Variants in DIAPH2 observed in about 807,000 individuals in gnomAD.
The protein encoded by DIAPH2 is diaphanous related formin 2.
DIAPH2 carries 35 observed loss-of-function variants against 92.7 expected under a neutral mutation model. The observed-to-expected ratio is 0.38, with a 90% CI of 0.29 to 0.50. The LOEUF is 0.50. Among genes scored for constraint, DIAPH2 ranks in the 20% least tolerant of loss-of-function variants. The pLI, the probability that DIAPH2 is intolerant of heterozygous loss-of-function variation, is 0.94. For synonymous variants in DIAPH2, 301 were observed against 280.4 expected (o/e 1.07, Z -0.73); for missense variants, 701 against 819.5 (o/e 0.86, Z 1.77).
intron 21 of DIAPH2, among the ~76,000 whole-genome samples, chrX:97,123,199 G>A (rs1024727998): frequency 1.8e-5 from 2 of 111,804 alleles, no homozygotes; most frequent in African/African-American, 6.5e-5. Context: ...AGTCCATTGT[G>A]TTTCATTGTA....
At chrX:97,330,684 C>T (rs1210554966) in intron 23 of DIAPH2, among the ~76,000 whole-genome samples, 1 of 109,315 alleles carries the variant, frequency 9.1e-6, no homozygotes, top group Non-Finnish European at 1.9e-5. Context: ...AGCTAACTTT[C>T]GTATTTTTAG....
intron 4 of DIAPH2, among the ~76,000 whole-genome samples, chrX:96,862,139 T>C (rs1009059374): frequency 6.3e-5 from 7 of 111,919 alleles, no homozygotes; most frequent in African/African-American, 2.3e-4. Flanking sequence ...CTGAGTAGCA[T>C]TGTACCTTTG....
chrX:97,104,070 T>A (rs552423862), intron 20 of DIAPH2, among the ~76,000 whole-genome samples: 65 of 111,862 alleles, frequency 5.8e-4, no homozygotes, highest in African/African-American at 1.9e-3. Flanking sequence ...CAGATTACCT[T>A]TTTTCTTTTC....
chrX:96,915,531 A>G (rs1194463933), intron 7 of DIAPH2, among the ~76,000 whole-genome samples: 2 of 110,531 alleles, frequency 1.8e-5, no homozygotes, highest in African/African-American at 6.6e-5. Flanking sequence ...TAGAAATTAA[A>G]TTAGGGCTGA....
chrX:97,575,147 A>C (rs1016754338), intron 26 of DIAPH2, among the ~76,000 whole-genome samples: 6 of 113,030 alleles, frequency 5.3e-5, no homozygotes, highest in Non-Finnish European at 9.4e-5. Context: ...AAAGCACCAC[A>C]AACTGAGTGG....
intron 5 of DIAPH2, among the ~76,000 whole-genome samples, chrX:96,888,592 CAGA>C (rs1569421246): frequency 3.3e-4 from 14 of 42,595 alleles, no homozygotes; most frequent in Admixed American, 9.7e-4. Flanking sequence ...TATATATATA[CAGA>C]TATATATATC....
intron 4 of DIAPH2, among the ~76,000 whole-genome samples, chrX:96,796,991 A>C (rs2064544842): frequency 8.9e-6 from 1 of 111,828 alleles, no homozygotes; most frequent in Admixed American, 9.5e-5. Flanking sequence ...GTTTTCTTGC[A>C]TTGGATTTTG....
At chrX:96,990,948 A>T (rs1015520961) in intron 17 of DIAPH2, among the ~76,000 whole-genome samples, 11 of 110,167 alleles carry the variant, frequency 1.0e-4, no homozygotes, top group Non-Finnish European at 2.1e-4. Context: ...TTTGTTCATT[A>T]AAAAAAAATT....
intron 17 of DIAPH2, among the ~76,000 whole-genome samples, chrX:97,072,165 T>A (rs1569294388): frequency 9.0e-6 from 1 of 111,649 alleles, no homozygotes; most frequent in African/African-American, 3.3e-5. Flanking sequence ...AGCCACATTG[T>A]TTTTTGGGCC....
chrX:97,329,925 CACACACACACA>C (rs1569364086), intron 23 of DIAPH2, among the ~76,000 whole-genome samples: 2 of 106,046 alleles, frequency 1.9e-5, no homozygotes, highest in African/African-American at 3.4e-5. Flanking sequence ...CACACACACA[CACACACACACA>C]CCCCACATGC....
intron 4 of DIAPH2, among the ~76,000 whole-genome samples, chrX:96,855,399 C>T (rs1012149693): frequency 1.8e-5 from 2 of 110,638 alleles, no homozygotes; most frequent in Non-Finnish European, 3.8e-5. Flanking sequence ...CTATGCAGTA[C>T]GTAAATACAA....
chrX:97,038,314 G>A (rs1002405008), intron 17 of DIAPH2, among the ~76,000 whole-genome samples: 1 of 111,521 alleles, frequency 9.0e-6, no homozygotes, highest in Non-Finnish European at 1.9e-5. Context: ...GAATTGTGCT[G>A]TGATAATCAT....
chrX:97,238,377 G>A (rs1302272018), intron 22 of DIAPH2, among the ~76,000 whole-genome samples: 2 of 111,710 alleles, frequency 1.8e-5, no homozygotes, highest in East Asian at 5.6e-4. Context: ...TTTCTTACTG[G>A]ATTTCCTCTG....
intron 22 of DIAPH2, among the ~76,000 whole-genome samples, chrX:97,168,870 A>G (rs1404468150): frequency 8.9e-6 from 1 of 112,162 alleles, no homozygotes; most frequent in Non-Finnish European, 1.9e-5. Context: ...AAGTGCTTTC[A>G]TGTCTTTTTA....
rs147698675 is a variant in DIAPH2, at chrX:96,761,344, GT to G, written c.447+3099del. 1.7e-3 allele frequency among the ~76,000 whole-genome samples: 171 copies of G among 100,796 alleles called. 1 individual carries two copies. The highest frequency in any genetic ancestry group is 5.2e-3 in the Middle Eastern group (1 of 194). The allele number at this position is 100,796 out of a possible 115,157, so 87.5% of individuals were successfully genotyped here. On this transcript the variant is annotated intron_variant, in intron 4 of 26. Transcript: ENST00000324765. ...TGTGAACCATTGAGAGGCAGCATTG[GT>G]TTTTTTTTTTTTAATCTCAGTAGGA...
At chrX:96,804,212 C>T (rs780071246) in intron 4 of DIAPH2, among the ~76,000 whole-genome samples, 2 of 111,575 alleles carry the variant, frequency 1.8e-5, no homozygotes, top group East Asian at 5.6e-4. Flanking sequence ...TTTGGATGCT[C>T]CTAAATTTAC....
At chrX:97,062,562 A>G (rs1264274237) in intron 17 of DIAPH2, among the ~76,000 whole-genome samples, 2 of 111,670 alleles carry the variant, frequency 1.8e-5, no homozygotes, top group Non-Finnish European at 3.8e-5. Flanking sequence ...GCTTGGTAGT[A>G]TAACAGGATA....
At position 97,257,957 on chromosome X, in the gene DIAPH2, TAAAA is replaced by T. The variant is rs59772699; in HGVS notation, c.2844+10138_2844+10141del. 5.1e-3 allele frequency among the ~76,000 whole-genome samples: 467 copies of T among 92,387 alleles called. 2 individuals are homozygous for T. Among genetic ancestry groups the T allele is most frequent in the African/African-American group, 0.021 (442 of 21,209 alleles). 80.2% of individuals were successfully genotyped at this position (92,387 alleles called of 115,157 possible). ...TCCCCCAAGGAAAATGTTCTTTGTT[TAAAA>T]AAAAAAAAAAAAAAAAAAAGGCCTC... On this transcript the variant is annotated intron_variant, in intron 23 of 26. Coordinates refer to ENST00000324765, the MANE Select transcript of DIAPH2 (RefSeq NM_006729.5).
At position 97,348,388 on chromosome X, in the gene DIAPH2, A is replaced by T. The variant is rs41309514; in HGVS notation, c.3009+108A>T. The T allele has an allele frequency of 8.9e-3, 5,753 of 649,414 alleles. 23 individuals carry two copies. Among genetic ancestry groups the T allele is most frequent in the Non-Finnish European group, 9.8e-3 (4,454 of 452,345 alleles). 53.5% of individuals were successfully genotyped at this position (649,414 alleles called of 1,213,427 possible). A position where few individuals can be genotyped will look rare whatever the true frequency, so the allele number is the denominator to read the frequency against. Reference sequence around the variant, plus strand: ...ATTGACTATATTGATTTCATGTGACATTTTTTTAATAAGAATTGACAGATA... The same window carrying T: ...ATTGACTATATTGATTTCATGTGACTTTTTTTTAATAAGAATTGACAGATA... On this transcript the variant is annotated intron_variant, in intron 24 of 26. Transcript: ENST00000324765.
Sources: allele counts gnomAD v4.1 joint callset (sites outside exome capture counted in the v4.1 genomes callset), GRCh38; gene constraint gnomAD v4.1.1; transcripts MANE v1.5; gene names NCBI Gene and HGNC (gene_info 2026-07-23, HGNC 2026-07-21).